LRRC4C: variants seen among roughly 807,000 people sequenced by gnomAD.
LRRC4C encodes leucine-rich repeat-containing protein 4C.
Under a neutral mutation model 33.6 loss-of-function variants are expected in LRRC4C, and 5 were observed. That is an observed-to-expected ratio of 0.15 (90% CI 0.08 to 0.31). The LOEUF is 0.31. LRRC4C is among the 10% of genes least tolerant of loss of function. The pLI is 1.00. For missense variants in LRRC4C, 560 were observed against 796.7 expected, an observed-to-expected ratio of 0.70 and a Z score of 3.58; for synonymous variants, 329 against 302.0, an observed-to-expected ratio of 1.09 and a Z score of -0.93.
rs555584586 is a variant in LRRC4C at position 41,396,667 on chromosome 11, T to C, written c.-496+62764A>G. Among the ~76,000 whole-genome samples the C allele has an allele frequency of 7.2e-5, 11 of 152,144 alleles. No homozygotes were observed. In the East Asian group the frequency reaches 2.1e-3, roughly 30 times the overall value. ...CAGGTTTGTTATACAGGTAAACCTGTGTCATGGAAGTTTGTTGTGCAGATT... is the reference window on the plus strand; with the variant it reads ...CAGGTTTGTTATACAGGTAAACCTGCGTCATGGAAGTTTGTTGTGCAGATT... On this transcript the variant is annotated intron_variant, in intron 1 of 6. Transcript: ENST00000528697.
intron 3 of LRRC4C, among the ~76,000 whole-genome samples, chr11:40,615,238 T>TTATATATATATATA (rs756021420): frequency 0.067 from 5,842 of 86,616 alleles, 214 homozygotes; most frequent in Non-Finnish European, 0.078. Context: ...TTGATTTATT[T>TTATATATATATATA]TATATATATA....
rs184982360 is a variant in LRRC4C at position 41,315,168 on chromosome 11, C to T, written c.-496+144263G>A. ...AAAAAAAATGTGCACTGAAGATTGTCTGTGATCATGAGCAACTTGAGTTTT... is the reference window on the plus strand; with the variant it reads ...AAAAAAAATGTGCACTGAAGATTGTTTGTGATCATGAGCAACTTGAGTTTT... On this transcript the variant is annotated intron_variant, in intron 1 of 6. Coordinates refer to ENST00000528697, the MANE Select transcript of LRRC4C (RefSeq NM_001258419.2). 1.3e-5 allele frequency among the ~76,000 whole-genome samples: 2 copies of T among 152,092 alleles called. 1 individual carries two copies. Among genetic ancestry groups the T allele is most frequent in the East Asian group, 3.9e-4 (2 of 5,132 alleles).
chr11:41,151,156 T>A (rs1943982254), intron 1 of LRRC4C, among the ~76,000 whole-genome samples: 1 of 152,164 alleles, frequency 6.6e-6, no homozygotes, highest in African/African-American at 2.4e-5. Context: ...GGTCTGCTGA[T>A]TTAATAAGTT....
chr11:40,905,081 T>C (rs1956361422), intron 2 of LRRC4C, among the ~76,000 whole-genome samples: 1 of 152,088 alleles, frequency 6.6e-6, no homozygotes, highest in Non-Finnish European at 1.5e-5. Context: ...TCTGAAGTTG[T>C]ACAGGAGTGT....
intron 1 of LRRC4C, among the ~76,000 whole-genome samples, chr11:41,191,202 A>G (rs1445741203): frequency 6.6e-6 from 1 of 152,208 alleles, no homozygotes; most frequent in East Asian, 1.9e-4. Flanking sequence ...TAGGGCAGAT[A>G]TAACTAAGCT....
At chr11:40,218,605 T>G (rs1039320150) in intron 5 of LRRC4C, among the ~76,000 whole-genome samples, 5 of 114,114 alleles carry the variant, frequency 4.4e-5, no homozygotes, top group African/African-American at 1.7e-4. Context: ...TATGTATGTA[T>G]GTATGTATGT....
Position 40,149,635 on chromosome 11 carries a change from G to A in LRRC4C, c.-95-8782C>T, listed in dbSNP as rs565735871. Among the ~76,000 whole-genome samples the A allele has an allele frequency of 3.9e-5, 6 of 152,118 alleles. No individual in the cohort carries two copies. The East Asian group carries it at 1.2e-3, about 29-fold the overall frequency. ...ACAGGATCATGTTGTCTGCAAGCAG[G>A]GAGAGTTTGAGAGAAAACATTAAAT... On this transcript the variant is annotated intron_variant, in intron 5 of 6. Transcript: ENST00000528697.
intron 1 of LRRC4C, among the ~76,000 whole-genome samples, chr11:41,423,285 A>C (rs1954933139): frequency 6.6e-6 from 1 of 152,026 alleles, no homozygotes; most frequent in Non-Finnish European, 1.5e-5. Flanking sequence ...GTTGGGAGGT[A>C]ATTCAGAGAG....
chr11:40,741,566 T>C (rs1302670479), intron 2 of LRRC4C, among the ~76,000 whole-genome samples: 2 of 152,060 alleles, frequency 1.3e-5, no homozygotes, highest in Non-Finnish European at 2.9e-5. Context: ...CCCTAACTTT[T>C]CCATTTATGC....
At chr11:41,290,810 G>A (rs12285478) in intron 1 of LRRC4C, among the ~76,000 whole-genome samples, 19,354 of 151,988 alleles carry the variant, frequency 0.13, 1,371 homozygotes, top group Middle Eastern at 0.24. Flanking sequence ...AACAAACAAA[G>A]GTCTTAGTAC....
intron 3 of LRRC4C, among the ~76,000 whole-genome samples, chr11:40,349,099 T>C (rs1947267063): frequency 6.6e-6 from 1 of 152,216 alleles, no homozygotes; most frequent in Admixed American, 6.5e-5. Flanking sequence ...TATACTCTTT[T>C]AGCTATTTTA....
chr11:41,401,403 TG>T (rs1954021370), intron 1 of LRRC4C, among the ~76,000 whole-genome samples: 1 of 151,906 alleles, frequency 6.6e-6, no homozygotes, highest in African/African-American at 2.4e-5. Flanking sequence ...ATTTTCTTCT[TG>T]TTTTCCATTT....
chr11:40,785,058 T>C (rs544924255), intron 2 of LRRC4C, among the ~76,000 whole-genome samples: 1 of 152,190 alleles, frequency 6.6e-6, no homozygotes, highest in Non-Finnish European at 1.5e-5. Context: ...GCAATGATAA[T>C]GTATGTGTAG....
intron 3 of LRRC4C, among the ~76,000 whole-genome samples, chr11:40,361,011 A>T (rs1048904640): frequency 6.6e-6 from 1 of 152,206 alleles, no homozygotes; most frequent in Non-Finnish European, 1.5e-5. Context: ...GATTATCTCA[A>T]TGGCTGCAGA....
intron 2 of LRRC4C, among the ~76,000 whole-genome samples, chr11:40,896,049 T>C (rs1955924940): frequency 6.6e-6 from 1 of 152,218 alleles, no homozygotes; most frequent in Non-Finnish European, 1.5e-5. Context: ...AAGGCTTATA[T>C]ACACAGTTCA....
chr11:40,125,919 A>C (rs1856188844), intron 6 of LRRC4C, among the ~76,000 whole-genome samples: 1 of 152,194 alleles, frequency 6.6e-6, no homozygotes, highest in African/African-American at 2.4e-5. Context: ...CAATCTTGCA[A>C]ATCTTGAGCT....
intron 2 of LRRC4C, among the ~76,000 whole-genome samples, chr11:40,734,488 G>A (rs1375237411): frequency 6.6e-6 from 1 of 151,906 alleles, no homozygotes; most frequent in Non-Finnish European, 1.5e-5. Flanking sequence ...ACTTCACCAC[G>A]AGCTACACAG....
intron 1 of LRRC4C, among the ~76,000 whole-genome samples, chr11:41,068,376 G>A (rs1938418378): frequency 6.6e-6 from 1 of 151,992 alleles, no homozygotes. Flanking sequence ...GGGCAACAGA[G>A]TGGGACTCCG....
chr11:40,595,176 A>G lies in LRRC4C; in HGVS notation c.-270+52966T>C, dbSNP rs371729031. ...TTATGGTGCTCAAAAAAAGAAGGAG[A>G]CGTATTTATTAAGCCAAATCAAGGA... On this transcript the variant is annotated intron_variant, in intron 3 of 6. Transcript: ENST00000528697. Among the ~76,000 whole-genome samples, 24 of 152,062 alleles carry G rather than the reference A, an allele frequency of 1.6e-4. No homozygotes were observed. In the East Asian group the frequency reaches 2.3e-3, roughly 15 times the overall value.
Sources: gnomAD v4.1 joint callset for allele counts (sites outside exome capture counted in the v4.1 genomes callset) on GRCh38, gnomAD v4.1.1 for gene constraint, MANE v1.5 for transcripts, NCBI Gene and HGNC (gene_info 2026-07-23, HGNC 2026-07-21) for gene names.